The following CPEB1 variants were observed in gnomAD, a reference collection of about 807,000 sequenced individuals.
CPEB1 encodes the protein cytoplasmic polyadenylation element-binding protein 1.
Under a neutral mutation model 65.8 loss-of-function variants are expected in CPEB1, and 7 were observed. The ratio of observed to expected loss-of-function variants is 0.11; its 90% CI spans 0.06 to 0.20. The LOEUF (loss-of-function observed/expected upper bound fraction) is 0.20. Among genes scored for constraint, CPEB1 ranks in the 10% least tolerant of loss-of-function variants. The probability of loss-of-function intolerance (pLI) is 1.00; values close to 1 mark genes in which losing one functional copy is unlikely to be tolerated. For synonymous variants in CPEB1, 262 were observed against 260.0 expected (o/e 1.01, Z -0.08); for missense variants, 551 against 712.2 (o/e 0.77, Z 2.58).
intron 3 of CPEB1, among the ~76,000 whole-genome samples, chr15:82,586,946 C>G (rs764924867): frequency 9.2e-5 from 14 of 152,308 alleles, no homozygotes; most frequent in Admixed American, 6.5e-4. Flanking sequence ...TGAATTAACA[C>G]ACTACATACA....
At chr15:82,568,801 T>C (rs1215220366) in intron 4 of CPEB1, among the ~76,000 whole-genome samples, 12 of 152,220 alleles carry the variant, frequency 7.9e-5, no homozygotes, top group Non-Finnish European at 1.8e-4. Context: ...GGTAACAATT[T>C]TATCTTAATC....
intron 11 of CPEB1, 99 bp from the exon 12 acceptor site, chr15:82,546,620 C>A: frequency 5.8e-6 from 5 of 861,124 alleles, no homozygotes; most frequent in Non-Finnish European, 9.8e-6. Flanking sequence ...CACAGGAATG[C>A]GGGATATTGG....
intron 3 of CPEB1, chr15:82,571,829 G>GGC (rs1567191410): frequency 2.5e-6 from 3 of 1,183,048 alleles, no homozygotes; most frequent in Admixed American, 8.3e-5. Context: ...CGGCTGAGCC[G>GGC]TGCAATAGAG....
chr15:82,614,701 TA>T (rs1448566909), intron 3 of CPEB1, among the ~76,000 whole-genome samples: 2 of 152,020 alleles, frequency 1.3e-5, no homozygotes, highest in Non-Finnish European at 2.9e-5. Context: ...TACTGAGGAT[TA>T]GAAATCCAAG....
chr15:82,611,537 CTT>C (rs1166828862), intron 3 of CPEB1, among the ~76,000 whole-genome samples: 3 of 151,380 alleles, frequency 2.0e-5, no homozygotes, highest in African/African-American at 7.3e-5. Flanking sequence ...CAGGAGGACC[CTT>C]TGAGACCAGG....
chr15:82,549,360 TG>T (rs1722013589), intron 10 of CPEB1, 99 bp downstream of exon 10: 1 of 1,209,680 alleles, frequency 8.3e-7, no homozygotes, highest in Non-Finnish European at 1.2e-6. Flanking sequence ...TCTGCAGACC[TG>T]GGTCAGGCCT....
chr15:82,616,669 A>G (rs1317156563), intron 3 of CPEB1, among the ~76,000 whole-genome samples: 2 of 151,916 alleles, frequency 1.3e-5, no homozygotes, highest in East Asian at 3.9e-4. Context: ...CAGCCTCCCA[A>G]GTAGCTGGGA....
intron 1 of CPEB1, among the ~76,000 whole-genome samples, chr15:82,631,710 C>T (rs2046261175): frequency 6.6e-6 from 1 of 152,084 alleles, no homozygotes; most frequent in Admixed American, 6.5e-5. Flanking sequence ...TCTGAAGACT[C>T]CAGGCCCTTC....
intron 5 of CPEB1, chr15:82,556,578 A>T (rs1460443835): frequency 6.5e-6 from 1 of 152,864 alleles, no homozygotes; most frequent in Non-Finnish European, 1.5e-5. Flanking sequence ...GAACACCATA[A>T]GCTGTGTCAA....
chr15:82,601,392 T>C (rs1404828513), intron 3 of CPEB1, among the ~76,000 whole-genome samples: 2 of 151,836 alleles, frequency 1.3e-5, no homozygotes, highest in Non-Finnish European at 2.9e-5. Flanking sequence ...AATACAAAAA[T>C]TAGCCAGGCA....
chr15:82,562,834 CAAA>C (rs771713486), intron 4 of CPEB1, among the ~76,000 whole-genome samples: 3 of 106,046 alleles, frequency 2.8e-5, no homozygotes, highest in Non-Finnish European at 6.1e-5. Context: ...AATCCTGTCT[CAAA>C]AAAAAAAAAA....
intron 3 of CPEB1, among the ~76,000 whole-genome samples, chr15:82,608,348 A>G (rs950492492): frequency 6.6e-6 from 1 of 152,156 alleles, no homozygotes. Flanking sequence ...TAGGTCAAAT[A>G]CAACCACATA....
intron 3 of CPEB1, among the ~76,000 whole-genome samples, chr15:82,586,223 T>C (rs569463099): frequency 6.6e-6 from 1 of 151,392 alleles, no homozygotes; most frequent in Admixed American, 6.6e-5. Context: ...ATTGGAAGGT[T>C]GAAGCATTTT....
rs71156035 is a variant in CPEB1, at chr15:82,547,289, C to CTTTTT, written c.1481-57_1481-53dup. ...TCTAACCAAATTCTCCCAAATGCTACTTTTTTTTTTTTTTTTTTTTTTTTT... is the reference window on the plus strand; with the variant it reads ...TCTAACCAAATTCTCCCAAATGCTACTTTTTTTTTTTTTTTTTTTTTTTTTTTTTT... On this transcript the variant is annotated intron_variant, in intron 10 of 12. Transcript: ENST00000684509. The CTTTTT allele has an allele frequency of 7.1e-4, 277 of 390,252 alleles. 1 individual carries two copies. Among genetic ancestry groups the CTTTTT allele is most frequent in the African/African-American group, 1.3e-3 (32 of 25,312 alleles). The allele number at this position is 390,252 out of a possible 1,614,324, so 24.2% of individuals were successfully genotyped here.
At position 82,620,296 on chromosome 15, in the gene CPEB1, GT is replaced by G. The variant is rs1265737805; in HGVS notation, c.271+6896del. Among the ~76,000 whole-genome samples the G allele has an allele frequency of 2.0e-5, 3 of 151,182 alleles. No individual in the cohort carries two copies. The East Asian group carries it at 5.8e-4, about 29-fold the overall frequency. ...AAAAATTAGCCGGGTGTGGTGGCATGTGCCTGTAGTCCCAGCTACTTGGGAG... is the reference window on the plus strand; with the variant it reads ...AAAAATTAGCCGGGTGTGGTGGCATGGCCTGTAGTCCCAGCTACTTGGGAG... On this transcript the variant is annotated intron_variant, in intron 3 of 12. Transcript: ENST00000684509.
At chr15:82,577,478 G>A (rs2040789930) in intron 3 of CPEB1, among the ~76,000 whole-genome samples, 1 of 152,166 alleles carries the variant, frequency 6.6e-6, no homozygotes, top group African/African-American at 2.4e-5. Context: ...GTGTGTCTAA[G>A]TGAAGGACAG....
At chr15:82,624,978 G>A (rs1242385931) in intron 3 of CPEB1, among the ~76,000 whole-genome samples, 1 of 151,990 alleles carries the variant, frequency 6.6e-6, no homozygotes, top group Non-Finnish European at 1.5e-5. Context: ...CTGCAACTAG[G>A]TGCACACCCC....
chr15:82,644,398 A>G (rs1344932245), intron 1 of CPEB1, among the ~76,000 whole-genome samples: 1 of 152,226 alleles, frequency 6.6e-6, no homozygotes, highest in Non-Finnish European at 1.5e-5. Context: ...ATCACTTAAC[A>G]GCCTTGTGAC....
intron 3 of CPEB1, among the ~76,000 whole-genome samples, chr15:82,607,447 G>T (rs1299153356): frequency 1.3e-5 from 2 of 151,652 alleles, no homozygotes; most frequent in African/African-American, 4.8e-5. Context: ...AATTACCCAG[G>T]TGTGGTGGTG....
Sources: gnomAD v4.1 joint callset for allele counts (sites outside exome capture counted in the v4.1 genomes callset) on GRCh38, gnomAD v4.1.1 for gene constraint, MANE v1.5 for transcripts, NCBI Gene and HGNC (gene_info 2026-07-23, HGNC 2026-07-21) for gene names.